Variants in EPHA5 observed in about 807,000 individuals in gnomAD.
The protein encoded by EPHA5 is EPH receptor A5.
Under a neutral mutation model 105.0 loss-of-function variants are expected in EPHA5, and 60 were observed. The observed-to-expected ratio is 0.57, with a 90% confidence interval of 0.46 to 0.71. The LOEUF is 0.71. Ranked by LOEUF, EPHA5 falls within the 30% of genes least tolerant of loss-of-function variation. EPHA5 has a pLI of 0.00. For synonymous variants in EPHA5, 513 were observed against 449.1 expected (o/e 1.14, Z -1.80); for missense variants, 1,218 against 1,274.7 (o/e 0.96, Z 0.68).
chr4:65,454,078 C>T (rs889619275), intron 5 of EPHA5, among the ~76,000 whole-genome samples: 2 of 151,906 alleles, frequency 1.3e-5, no homozygotes, highest in Non-Finnish European at 2.9e-5. Flanking sequence ...GTTGGGAGTT[C>T]GAAACCAGCC....
intron 5 of EPHA5, among the ~76,000 whole-genome samples, chr4:65,422,814 T>C (rs754205419): frequency 2.8e-4 from 43 of 152,216 alleles, no homozygotes; most frequent in Non-Finnish European, 3.2e-4. Flanking sequence ...AGAATAGCTT[T>C]ATTTTTATAG....
At chr4:65,548,678 C>G (rs1356048857) in intron 3 of EPHA5, among the ~76,000 whole-genome samples, 3 of 152,108 alleles carry the variant, frequency 2.0e-5, no homozygotes, top group Non-Finnish European at 4.4e-5. Flanking sequence ...TTGTTCTGGA[C>G]TATTTTTACA....
chr4:65,455,272 A>G (rs1261953305), intron 5 of EPHA5, among the ~76,000 whole-genome samples: 2 of 152,060 alleles, frequency 1.3e-5, no homozygotes, highest in Non-Finnish European at 2.9e-5. Flanking sequence ...AATAAATAAA[A>G]ATACAAAACT....
chr4:65,621,393 A>G (rs1320733426), intron 2 of EPHA5, among the ~76,000 whole-genome samples: 1 of 152,182 alleles, frequency 6.6e-6, no homozygotes, highest in Non-Finnish European at 1.5e-5. Context: ...TATGGAGATA[A>G]TAAGATACCC....
chr4:65,489,941 GA>G (rs1362003713), intron 5 of EPHA5, among the ~76,000 whole-genome samples: 6 of 152,038 alleles, frequency 3.9e-5, no homozygotes, highest in African/African-American at 1.4e-4. Flanking sequence ...GATCTGCAAG[GA>G]AAATTCATCT....
At chr4:65,636,662 A>C (rs754302673) in intron 2 of EPHA5, among the ~76,000 whole-genome samples, 32 of 152,326 alleles carry the variant, frequency 2.1e-4, no homozygotes, top group Non-Finnish European at 4.4e-4. Flanking sequence ...ATGACACTGC[A>C]TGTGCCAAAT....
At chr4:65,446,773 C>G (rs1338958735) in intron 5 of EPHA5, among the ~76,000 whole-genome samples, 2 of 151,984 alleles carry the variant, frequency 1.3e-5, no homozygotes, top group South Asian at 2.1e-4. Flanking sequence ...TATTGAGATA[C>G]TTAAATATGT....
chr4:65,449,209 A>T (rs930796588), intron 5 of EPHA5, among the ~76,000 whole-genome samples: 4 of 152,170 alleles, frequency 2.6e-5, no homozygotes, highest in African/African-American at 9.6e-5. Flanking sequence ...AATAAACTCA[A>T]ATGCCCAAAA....
chr4:65,561,159 C>T lies in EPHA5; in HGVS notation c.910+40482G>A, dbSNP rs541532893. 6.6e-5 allele frequency among the ~76,000 whole-genome samples: 10 copies of T among 151,798 alleles called. No individual in the cohort carries two copies. The East Asian group carries it at 1.9e-3, about 29-fold the overall frequency. Reference sequence around the variant, plus strand: ...AAAATTTCCTCCGTACCAACTGTAACATTTTTAAGGGACAAAAAACACAAA... The same window carrying T: ...AAAATTTCCTCCGTACCAACTGTAATATTTTTAAGGGACAAAAAACACAAA... On this transcript the variant is annotated intron_variant, in intron 3 of 16. Transcript: ENST00000613740.
chr4:65,617,342 TG>T (rs1156371724), intron 2 of EPHA5, among the ~76,000 whole-genome samples: 1 of 152,080 alleles, frequency 6.6e-6, no homozygotes, highest in African/African-American at 2.4e-5. Flanking sequence ...GATCAATTGT[TG>T]GTGTATCGCC....
chr4:65,505,746 T>C (rs1732946550), intron 3 of EPHA5, among the ~76,000 whole-genome samples: 1 of 152,096 alleles, frequency 6.6e-6, no homozygotes, highest in Non-Finnish European at 1.5e-5. Flanking sequence ...CAAGCAAAAC[T>C]AGCATTTGTA....
At chr4:65,446,488 C>T (rs1726543503) in intron 5 of EPHA5, among the ~76,000 whole-genome samples, 1 of 152,048 alleles carries the variant, frequency 6.6e-6, no homozygotes, top group Non-Finnish European at 1.5e-5. Flanking sequence ...GTGAGGGATA[C>T]AAACAAGTAA....
chr4:65,628,969 A>T (rs1249546010), intron 2 of EPHA5, among the ~76,000 whole-genome samples: 6 of 152,214 alleles, frequency 3.9e-5, no homozygotes, highest in Non-Finnish European at 8.8e-5. Context: ...TTCGATGTTC[A>T]TAAAGTATAT....
intron 3 of EPHA5, among the ~76,000 whole-genome samples, chr4:65,578,046 T>C (rs932917030): frequency 1.3e-5 from 2 of 152,180 alleles, no homozygotes; most frequent in Non-Finnish European, 2.9e-5. Flanking sequence ...TTTCAATGCA[T>C]AAAAATAAGC....
At chr4:65,511,394 C>T (rs1733614973) in intron 3 of EPHA5, among the ~76,000 whole-genome samples, 1 of 152,124 alleles carries the variant, frequency 6.6e-6, no homozygotes, top group Non-Finnish European at 1.5e-5. Flanking sequence ...GAAAGATTAT[C>T]TGTGTGTGAT....
At chr4:65,496,068 A>AT (rs1398748892) in intron 3 of EPHA5, among the ~76,000 whole-genome samples, 1 of 152,080 alleles carries the variant, frequency 6.6e-6, no homozygotes, top group African/African-American at 2.4e-5. Flanking sequence ...CAACTGTATT[A>AT]TTTTTATTTT....
chr4:65,354,994 C>T (rs1422147382), intron 11 of EPHA5, among the ~76,000 whole-genome samples: 2 of 151,728 alleles, frequency 1.3e-5, no homozygotes, highest in Non-Finnish European at 2.9e-5. Flanking sequence ...GTCTAAAATA[C>T]TTTATTTGAC....
intron 5 of EPHA5, among the ~76,000 whole-genome samples, chr4:65,485,470 T>C (rs1245755152): frequency 6.6e-6 from 1 of 152,174 alleles, no homozygotes; most frequent in Admixed American, 6.5e-5. Flanking sequence ...ATTTGACTTT[T>C]CCTTAAAATT....
chr4:65,462,079 A>T (rs1728181226), intron 5 of EPHA5, among the ~76,000 whole-genome samples: 1 of 152,128 alleles, frequency 6.6e-6, no homozygotes, highest in Admixed American at 6.6e-5. Flanking sequence ...TAATTAATAC[A>T]GGGCTATTGG....
Sources: allele counts gnomAD v4.1 joint callset (sites outside exome capture counted in the v4.1 genomes callset), GRCh38; gene constraint gnomAD v4.1.1; transcripts MANE v1.5; gene names NCBI Gene and HGNC (gene_info 2026-07-23, HGNC 2026-07-21).